Variants in PITPNM2 observed in about 807,000 individuals in gnomAD.
PITPNM2 encodes phosphatidylinositol transfer protein membrane associated 2.
In PITPNM2, 35 loss-of-function variants were observed where a neutral mutation model predicts 132.2. The ratio of observed to expected loss-of-function variants is 0.26; its 90% CI spans 0.20 to 0.35. PITPNM2 has a LOEUF of 0.35. PITPNM2 is among the 10% of genes least tolerant of loss of function. The probability of loss-of-function intolerance (pLI) is 1.00; values close to 1 mark genes in which losing one functional copy is unlikely to be tolerated. For missense variants in PITPNM2, 1,332 were observed against 1,912.0 expected (o/e 0.70, Z 5.66); for synonymous variants, 738 against 799.2 (o/e 0.92, Z 1.29).
At chr12:123,079,923 C>T (rs2041908282) in intron 2 of PITPNM2, among the ~76,000 whole-genome samples, 1 of 152,190 alleles carries the variant, frequency 6.6e-6, no homozygotes, top group Non-Finnish European at 1.5e-5. Context: ...AGTCTCTCTC[C>T]AGTCCCCTCT....
At chr12:123,012,520 C>A in intron 5 of PITPNM2, 93 bp downstream of exon 5, 1 of 1,497,720 alleles carries the variant, frequency 6.7e-7, no homozygotes, top group South Asian at 1.2e-5. Context: ...GGTCTGGAGT[C>A]TACCAGGTGT....
At chr12:123,105,288 G>C (rs1462690868) in intron 2 of PITPNM2, 1 of 152,158 alleles carries the variant, frequency 6.6e-6, no homozygotes, top group Non-Finnish European at 1.5e-5. Flanking sequence ...CAAGCCCCAG[G>C]AGGGCCAGAA....
intron 8 of PITPNM2, among the ~76,000 whole-genome samples, chr12:123,002,725 A>T (rs2038751947): frequency 6.6e-6 from 1 of 152,170 alleles, no homozygotes; most frequent in Non-Finnish European, 1.5e-5. Flanking sequence ...ATTGACAAAT[A>T]ATCATAATTG....
chr12:123,088,666 G>A (rs1478964219), intron 2 of PITPNM2: 1 of 152,116 alleles, frequency 6.6e-6, no homozygotes, highest in African/African-American at 2.4e-5. Context: ...ATATCCCCAG[G>A]CCCAGAGAGT....
chr12:123,048,639 C>T (rs2040750434), intron 2 of PITPNM2, among the ~76,000 whole-genome samples: 1 of 151,970 alleles, frequency 6.6e-6, no homozygotes, highest in Admixed American at 6.5e-5. Context: ...GTCTCGATCT[C>T]CTGACCTCAT....
At chr12:122,990,132 G>A (rs1366326252) in intron 17 of PITPNM2, among the ~76,000 whole-genome samples, 184 bp from the exon 18 acceptor site, 2 of 152,222 alleles carry the variant, frequency 1.3e-5, no homozygotes, top group Non-Finnish European at 2.9e-5. Context: ...GCTCCTGCAT[G>A]GCCACCCTGA....
intron 2 of PITPNM2, among the ~76,000 whole-genome samples, chr12:123,079,150 T>C (rs921212767): frequency 9.2e-5 from 14 of 151,968 alleles, no homozygotes; most frequent in African/African-American, 3.1e-4. Flanking sequence ...GGGAGCACAG[T>C]AGCAGCATCC....
Position 123,008,036 on chromosome 12 carries a change from A to C in PITPNM2, c.643+1814T>G, listed in dbSNP as rs574713240. On this transcript the variant is annotated intron_variant, in intron 6 of 25. Coordinates refer to ENST00000320201, the MANE Select transcript of PITPNM2 (RefSeq NM_020845.3). The surrounding 1 kb of genome is among the most constrained non-coding windows in gnomAD (Gnocchi z 4.1). Reference sequence around the variant, plus strand: ...CACGGTCTCGGCCCACAACAGTCCGATAGGATCGGTGTCATTACACCCATT... The same window carrying C: ...CACGGTCTCGGCCCACAACAGTCCGCTAGGATCGGTGTCATTACACCCATT... 2.0e-5 allele frequency among the ~76,000 whole-genome samples: 3 copies of C among 152,330 alleles called. 1 individual carries two copies. The East Asian group carries it at 5.8e-4, about 29-fold the overall frequency.
Position 123,077,497 on chromosome 12 carries a change from T to C in PITPNM2, c.-96+32888A>G, listed in dbSNP as rs1458642693. Among the ~76,000 whole-genome samples the C allele has an allele frequency of 6.6e-6, 1 of 152,174 alleles. No individual in the cohort carries two copies. The highest frequency in any genetic ancestry group is 2.4e-5 in the African/African-American group (1 of 41,448). On this transcript the variant is annotated intron_variant, in intron 2 of 25. Transcript: ENST00000320201. The surrounding 1 kb of genome is among the most constrained non-coding windows in gnomAD (Gnocchi z 4.8). ...ACAGTCCAGGAAAGCAGATTTTCTA[T>C]GCCCCGTGGCAATCACAGTGGAAAA... is the stretch of plus-strand genomic sequence containing the variant.
chr12:123,004,580 C>T lies in PITPNM2; in HGVS notation c.953-91G>A, dbSNP rs762987940. ...GGCAGGAGGCAGGGAGGGCCACCCA[C>T]AGGCCTGACAGGCATCACAGAGGCT... On this transcript the variant is annotated intron_variant, in intron 7 of 25. Transcript: ENST00000320201. This position sits in a 1 kb window ranked among gnomAD's most constrained non-coding sequence, Gnocchi z 4.9. 3.8e-5 allele frequency: 44 copies of T among 1,153,398 alleles called. 2 individuals are homozygous for T. In the South Asian group the frequency reaches 4.6e-4, roughly 12 times the overall value. The allele number at this position is 1,153,398 out of a possible 1,614,324, so 71.4% of individuals were successfully genotyped here. A position where few individuals can be genotyped will look rare whatever the true frequency, so the allele number is the denominator to read the frequency against.
In PITPNM2 at chr12:123,031,504, G is replaced by C. The variant is rs1326652298; in HGVS notation, c.78+3009C>G. 6.6e-6 allele frequency among the ~76,000 whole-genome samples: 1 copy of C among 152,204 alleles called. No individual in the cohort carries two copies. Among genetic ancestry groups the C allele is most frequent in the Non-Finnish European group, 1.5e-5 (1 of 68,036 alleles). Reference sequence around the variant, plus strand: ...ATGGCTTCCTGGTAACTACATGAGGGCTGAAGCACCTCAAACACAGCAATT... The same window carrying C: ...ATGGCTTCCTGGTAACTACATGAGGCCTGAAGCACCTCAAACACAGCAATT... On this transcript the variant is annotated intron_variant, in intron 3 of 25. Coordinates refer to ENST00000320201, the MANE Select transcript of PITPNM2 (RefSeq NM_020845.3). The surrounding 1 kb of genome is among the most constrained non-coding windows in gnomAD (Gnocchi z 4.5).
chr12:123,147,904 T>C (rs765619338), intron 1 of PITPNM2, among the ~76,000 whole-genome samples: 4 of 152,170 alleles, frequency 2.6e-5, no homozygotes, highest in Admixed American at 6.5e-5. Flanking sequence ...GTGCATAGTA[T>C]ACAAACAAAA....
intron 2 of PITPNM2, among the ~76,000 whole-genome samples, chr12:123,047,941 A>G (rs957301741): frequency 2.0e-5 from 3 of 152,198 alleles, no homozygotes; most frequent in African/African-American, 7.2e-5. Flanking sequence ...TCTACTAAAA[A>G]TACAAAAATT....
chr12:123,109,368 T>C (rs2042787244), intron 2 of PITPNM2, among the ~76,000 whole-genome samples: 1 of 152,178 alleles, frequency 6.6e-6, no homozygotes, highest in African/African-American at 2.4e-5. Context: ...GGAAAGAAGC[T>C]TGGGAGGCCA....
chr12:123,131,748 T>G (rs2043267454), intron 1 of PITPNM2, among the ~76,000 whole-genome samples: 1 of 152,176 alleles, frequency 6.6e-6, no homozygotes. Context: ...TAGGTCCTGA[T>G]GGAAGAAGCA....
At position 123,008,516 on chromosome 12, in the gene PITPNM2, C is replaced by G. The variant is rs73411043; in HGVS notation, c.643+1334G>C. Among the ~76,000 whole-genome samples, 6,518 of 152,244 alleles carry G rather than the reference C, an allele frequency of 0.043. 461 individuals carry two copies. The highest frequency in any genetic ancestry group is 0.15 in the African/African-American group (6,114 of 41,522). Reference sequence around the variant, plus strand: ...TGCCTGGGAAGTGAGAACCACCATTCCCATTTTGAGGCTTCAGCACTGGGG... The same window carrying G: ...TGCCTGGGAAGTGAGAACCACCATTGCCATTTTGAGGCTTCAGCACTGGGG... On this transcript the variant is annotated intron_variant, in intron 6 of 25. Coordinates refer to ENST00000320201, the MANE Select transcript of PITPNM2 (RefSeq NM_020845.3). This position sits in a 1 kb window ranked among gnomAD's most constrained non-coding sequence, Gnocchi z 4.1.
At chr12:123,029,641 ATG>A (rs10532248) in intron 3 of PITPNM2, among the ~76,000 whole-genome samples, 115,518 of 151,210 alleles carry the variant, frequency 0.76, 44,228 homozygotes, top group East Asian at 0.86. Flanking sequence ...CTTGTGGTGT[ATG>A]TGTGTGTGTG....
chr12:123,118,969 C>T (rs567134794), intron 1 of PITPNM2, among the ~76,000 whole-genome samples: 87 of 152,318 alleles, frequency 5.7e-4, no homozygotes, highest in South Asian at 5.6e-3. Context: ...AACAGTGTCA[C>T]TCGGCTGTGT....
intron 3 of PITPNM2, 194 bp downstream of exon 3, chr12:123,034,317 CGT>C: frequency 1.8e-6 from 1 of 543,730 alleles, no homozygotes; most frequent in Non-Finnish European, 3.3e-6. Flanking sequence ...AATCTGATGC[CGT>C]GCGCCCATGG....
Sources: allele counts gnomAD v4.1 joint callset (sites outside exome capture counted in the v4.1 genomes callset), GRCh38; gene constraint gnomAD v4.1.1; non-coding constraint Gnocchi (gnomAD v3.1); transcripts MANE v1.5; gene names NCBI Gene and HGNC (gene_info 2026-07-23, HGNC 2026-07-21).